The following HS6ST3 variants were observed in gnomAD, a reference collection of about 807,000 sequenced individuals.
HS6ST3 encodes the protein heparan sulfate 6-O-sulfotransferase 3, also known as heparan-sulfate 6-O-sulfotransferase 3.
A neutral mutation model predicts 36.7 loss-of-function variants in HS6ST3; 12 were observed. The ratio of observed to expected loss-of-function variants is 0.33; its 90% CI spans 0.21 to 0.53. The LOEUF is 0.53. Ranked by LOEUF, HS6ST3 falls within the 20% of genes least tolerant of loss-of-function variation. The pLI is 0.95. For missense variants in HS6ST3, 584 were observed against 640.9 expected (o/e 0.91, Z 0.96); for synonymous variants, 240 against 257.5 (o/e 0.93, Z 0.65).
At chr13:96,233,158 T>C (rs934275494) in intron 1 of HS6ST3, among the ~76,000 whole-genome samples, 1 of 152,150 alleles carries the variant, frequency 6.6e-6, no homozygotes, top group Non-Finnish European at 1.5e-5. Context: ...TTTCTATAAA[T>C]TGGAAAACAA....
chr13:96,258,174 A>G (rs117533187), intron 1 of HS6ST3, among the ~76,000 whole-genome samples: 2,213 of 152,312 alleles, frequency 0.015, 28 homozygotes, highest in East Asian at 0.054. Context: ...TGGATTTAGT[A>G]TGTCTATTGT....
At chr13:96,107,844 A>C (rs1413854097) in intron 1 of HS6ST3, among the ~76,000 whole-genome samples, 1 of 152,198 alleles carries the variant, frequency 6.6e-6, no homozygotes, top group African/African-American at 2.4e-5. Context: ...ATAATTTCCT[A>C]TGCCTGTCTT....
At chr13:96,092,177 C>T (rs142719954) in intron 1 of HS6ST3, among the ~76,000 whole-genome samples, 271 of 152,252 alleles carry the variant, frequency 1.8e-3, no homozygotes, top group African/African-American at 6.3e-3. Context: ...CTTTGTTGCC[C>T]AGCAGTGCCA....
rs75393572 is a variant in HS6ST3, at chr13:96,394,465, C to T, written c.707+302896C>T. Among the ~76,000 whole-genome samples the T allele has an allele frequency of 4.6e-5, 7 of 152,290 alleles. No individual in the cohort carries two copies. The East Asian group carries it at 1.2e-3, about 25-fold the overall frequency. ...CTCCTGTCCTGCATTCATTTTGACT[C>T]TTTGGACAGGGCAGAGGCTCTTCAA... On this transcript the variant is annotated intron_variant, in intron 1 of 1. Coordinates refer to ENST00000376705, the MANE Select transcript of HS6ST3 (RefSeq NM_153456.4).
intron 1 of HS6ST3, among the ~76,000 whole-genome samples, chr13:96,777,322 G>C (rs958287739): frequency 1.3e-5 from 2 of 152,154 alleles, no homozygotes; most frequent in Non-Finnish European, 2.9e-5. Context: ...ATTCAACATA[G>C]TTTTGGAAGC....
intron 1 of HS6ST3, among the ~76,000 whole-genome samples, chr13:96,152,331 T>TG (rs1464071687): frequency 2.2e-3 from 214 of 95,248 alleles, no homozygotes; most frequent in Middle Eastern, 0.019. Flanking sequence ...TTTTTTTTTT[T>TG]TTTTGTTGTT....
chr13:96,808,007 T>G (rs897978909), intron 1 of HS6ST3, among the ~76,000 whole-genome samples: 1 of 152,188 alleles, frequency 6.6e-6, no homozygotes, highest in African/African-American at 2.4e-5. Context: ...CAAAAAGAAT[T>G]TCTTGTCTCA....
chr13:96,337,422 G>T (rs2055107477), intron 1 of HS6ST3, among the ~76,000 whole-genome samples: 1 of 152,170 alleles, frequency 6.6e-6, no homozygotes, highest in Non-Finnish European at 1.5e-5. Context: ...ATTGCTGTCA[G>T]CTCCATCTTG....
intron 1 of HS6ST3, among the ~76,000 whole-genome samples, chr13:96,775,629 A>G (rs1342225774): frequency 6.6e-6 from 1 of 152,170 alleles, no homozygotes; most frequent in Non-Finnish European, 1.5e-5. Context: ...GATCAATACA[A>G]CAAGAAGGAC....
intron 1 of HS6ST3, among the ~76,000 whole-genome samples, chr13:96,384,967 GT>G (rs2055360261): frequency 6.6e-6 from 1 of 152,122 alleles, no homozygotes; most frequent in East Asian, 1.9e-4. Context: ...ATCACCTGAG[GT>G]TGGGAGTTCG....
chr13:96,301,775 T>C (rs60769907), intron 1 of HS6ST3, among the ~76,000 whole-genome samples: 12,196 of 151,428 alleles, frequency 0.081, 567 homozygotes, highest in Middle Eastern at 0.12. Context: ...TTGGGCACGG[T>C]GGTGGGTGCC....
intron 1 of HS6ST3, among the ~76,000 whole-genome samples, chr13:96,331,241 A>G (rs1201158898): frequency 7.9e-5 from 12 of 151,806 alleles, no homozygotes; most frequent in Admixed American, 7.9e-4. Context: ...GTTCCTTTGG[A>G]GGAGGAGAGG....
At chr13:96,471,605 A>G in intron 1 of HS6ST3, among the ~76,000 whole-genome samples, 1 of 152,302 alleles carries the variant, frequency 6.6e-6, no homozygotes, top group East Asian at 1.9e-4. Context: ...CTAAAGACTA[A>G]TATTCCTCAT....
intron 1 of HS6ST3, among the ~76,000 whole-genome samples, chr13:96,524,981 C>T (rs2056108098): frequency 6.6e-6 from 1 of 152,174 alleles, no homozygotes; most frequent in African/African-American, 2.4e-5. Flanking sequence ...CCTATTCGGC[C>T]ATCTTGGAAG....
At chr13:96,634,871 T>G (rs1036377016) in intron 1 of HS6ST3, among the ~76,000 whole-genome samples, 2 of 26,294 alleles carry the variant, frequency 7.6e-5, no homozygotes, top group African/African-American at 2.1e-4. Flanking sequence ...TTGTTTCTAC[T>G]CCTACAAGTT....
intron 1 of HS6ST3, among the ~76,000 whole-genome samples, chr13:96,602,062 A>C (rs760948749): frequency 6.6e-6 from 1 of 152,156 alleles, no homozygotes; most frequent in Non-Finnish European, 1.5e-5. Flanking sequence ...AAACTGCGTT[A>C]AACAGGTCAG....
In HS6ST3 at chr13:96,835,992, A is replaced by C. The variant is rs979530083; in HGVS notation, c.*2794A>C. ...CTAAAGCAGCAAGCTTGTCATACCC[A>C]TGGGGTCCTATGTTGATAGAAATGG... On this transcript the variant is annotated 3_prime_UTR_variant, in exon 2 of 2. Transcript: ENST00000376705. The C allele has an allele frequency of 5.9e-5, 9 of 152,174 alleles. No individual in the cohort carries two copies. The highest frequency in any genetic ancestry group is 1.3e-4 in the Admixed American group (2 of 15,288). 9.4% of individuals were successfully genotyped at this position (152,174 alleles called of 1,614,324 possible).
chr13:96,381,508 T>G (rs9513127), intron 1 of HS6ST3, among the ~76,000 whole-genome samples: 51,319 of 151,764 alleles, frequency 0.34, 9,385 homozygotes, highest in Non-Finnish European at 0.42. Flanking sequence ...CATCACACTA[T>G]CTGGTTGCCT....
intron 1 of HS6ST3, among the ~76,000 whole-genome samples, chr13:96,311,962 T>C (rs1044735487): frequency 6.7e-6 from 1 of 150,136 alleles, no homozygotes; most frequent in African/African-American, 2.5e-5. Flanking sequence ...ATTTTTTTTT[T>C]GTTTCATTAA....
Sources: allele counts gnomAD v4.1 joint callset (sites outside exome capture counted in the v4.1 genomes callset), GRCh38; gene constraint gnomAD v4.1.1; transcripts MANE v1.5; gene names NCBI Gene and HGNC (gene_info 2026-07-23, HGNC 2026-07-21).